Variants in PFKFB3 observed in about 807,000 individuals in gnomAD.
PFKFB3 encodes the protein 6-phosphofructo-2-kinase/fructose-2,6-bisphosphatase 3.
Under a neutral mutation model 68.0 loss-of-function variants are expected in PFKFB3, and 33 were observed. The observed-to-expected ratio is 0.49, with a 90% CI of 0.37 to 0.65. The LOEUF (loss-of-function observed/expected upper bound fraction) is 0.65, where lower values mean the gene tolerates loss of function less well. Among genes scored for constraint, PFKFB3 ranks in the 30% least tolerant of loss-of-function variants. The probability of loss-of-function intolerance (pLI) is 0.00; values close to 1 mark genes in which losing one functional copy is unlikely to be tolerated. For missense variants in PFKFB3, 586 were observed against 712.2 expected, an observed-to-expected ratio of 0.82 and a Z score of 2.02; for synonymous variants, 315 against 288.2, an observed-to-expected ratio of 1.09 and a Z score of -0.94.
At chr10:6,146,216 C>T in intron 1 of PFKFB3, 1 of 1,430,362 alleles carries the variant, frequency 7.0e-7, no homozygotes, top group Non-Finnish European at 9.2e-7. Flanking sequence ...CACCCATCTG[C>T]CTCTCTTCTC....
At chr10:6,195,274 G>A (rs1218578121) in intron 1 of PFKFB3, among the ~76,000 whole-genome samples, 1 of 152,184 alleles carries the variant, frequency 6.6e-6, no homozygotes, top group East Asian at 1.9e-4. Flanking sequence ...ATTAGTAGTG[G>A]CCATGTTTCC....
At chr10:6,262,898 G>T in the PFKFB3 span, among the ~76,000 whole-genome samples, 1 of 152,168 alleles carries the variant, frequency 6.6e-6, no homozygotes, top group East Asian at 1.9e-4. Flanking sequence ...TAGCCCAGAG[G>T]GGCTGTGATG....
In PFKFB3 at chr10:6,203,296, G is replaced by A. The variant is rs1171773361; in HGVS notation, c.36G>A (p.Lys12=). Residue 12 remains lysine (K), a synonymous_variant, in exon 1 of 15, where the codon AAG becomes AAA. Transcript: ENST00000379775. ...AACTGACGCAGAGCCGAGTGCAGAA[G>A]ATCTGGGTGCCCGTGGACCACAGGC... ...PLELTQSRVQ[K]IWVPVDHRPS... is the part of the protein sequence containing the mutation. 2 of 1,611,134 alleles carry A rather than the reference G, an allele frequency of 1.2e-6. No individual in the cohort carries two copies. The highest frequency in any genetic ancestry group is 1.7e-6 in the Non-Finnish European group (2 of 1,178,788).
At chr10:6,159,524 T>C (rs1308291490) in intron 1 of PFKFB3, among the ~76,000 whole-genome samples, 7 of 151,708 alleles carry the variant, frequency 4.6e-5, no homozygotes, top group Admixed American at 4.6e-4. Context: ...AACCCGTCTC[T>C]ACTAAAAATA....
the PFKFB3 span, among the ~76,000 whole-genome samples, chr10:6,325,898 T>C: frequency 6.6e-6 from 1 of 152,224 alleles, no homozygotes; most frequent in African/African-American, 2.4e-5. Flanking sequence ...TATAGTTCCT[T>C]CCTCATGCTC....
At chr10:6,302,784 A>G in the PFKFB3 span, among the ~76,000 whole-genome samples, 18,620 of 132,158 alleles carry the variant, frequency 0.14, 1,237 homozygotes, top group South Asian at 0.26. Flanking sequence ...ACACACATAT[A>G]CACATACACA....
chr10:6,207,031 G>A (rs1480036304), intron 1 of PFKFB3, among the ~76,000 whole-genome samples: 1 of 146,916 alleles, frequency 6.8e-6, no homozygotes, highest in South Asian at 2.1e-4. Context: ...CTTCCCAGAT[G>A]GGGTGGCGGC....
intron 1 of PFKFB3, among the ~76,000 whole-genome samples, chr10:6,177,490 C>CTTTCTTTCTTTCTTT (rs1564600059): frequency 1.0e-4 from 2 of 19,372 alleles, no homozygotes; most frequent in Non-Finnish European, 2.8e-4. Flanking sequence ...CTTTCTTTTT[C>CTTTCTTTCTTTCTTT]TTTTCTTTCT....
the PFKFB3 span, among the ~76,000 whole-genome samples, chr10:6,280,822 G>GT: frequency 4.0e-5 from 6 of 151,762 alleles, no homozygotes; most frequent in Non-Finnish European, 5.9e-5. Flanking sequence ...TGTTTCTGTA[G>GT]TTTTTTGGGG....
At chr10:6,236,537 G>GAGACTTGGCACCTC (rs1846016230), downstream of PFKFB3, among the ~76,000 whole-genome samples, 1 of 152,270 alleles carries the variant, frequency 6.6e-6, no homozygotes, top group Non-Finnish European at 1.5e-5. Flanking sequence ...ACAGGCGGCA[G>GAGACTTGGCACCTC]AGACTTGGCA....
the PFKFB3 span, among the ~76,000 whole-genome samples, chr10:6,308,114 T>C: frequency 2.6e-5 from 4 of 152,242 alleles, no homozygotes; most frequent in Non-Finnish European, 5.9e-5. Flanking sequence ...TATTCTGTTA[T>C]AGCAGTTTAA....
At chr10:6,240,718 A>G (rs1314080258) in intron 14 of PFKFB3, among the ~76,000 whole-genome samples, 1 of 152,154 alleles carries the variant, frequency 6.6e-6, no homozygotes, top group East Asian at 1.9e-4. Flanking sequence ...ACTAGTAACA[A>G]AACTACAGAC....
chr10:6,314,705 T>G, the PFKFB3 span, among the ~76,000 whole-genome samples: 1 of 152,192 alleles, frequency 6.6e-6, no homozygotes, highest in Non-Finnish European at 1.5e-5. Flanking sequence ...GCTGAACAGT[T>G]TCCTTAAGAT....
At position 6,217,123 on chromosome 10, in the gene PFKFB3, C is replaced by G. The variant is rs1259073790; in HGVS notation, c.442-12C>G. On this transcript the variant is annotated splice_polypyrimidine_tract_variant and intron_variant, in intron 5 of 14. Coordinates refer to ENST00000379775, the MANE Select transcript of PFKFB3 (RefSeq NM_004566.4). ...TGTTTGTTTTCTAACATCCCCACCT[C>G]ACTTCCACCAGGCGTTTTTCATCGA... 2 of 1,613,740 alleles carry G rather than the reference C, an allele frequency of 1.2e-6. No individual in the cohort carries two copies. Among genetic ancestry groups the G allele is most frequent in the African/African-American group, 2.7e-5 (2 of 74,930 alleles).
chr10:6,300,267 C>T, the PFKFB3 span, among the ~76,000 whole-genome samples: 1 of 152,072 alleles, frequency 6.6e-6, no homozygotes, highest in East Asian at 1.9e-4. Flanking sequence ...TGCCTTTGCC[C>T]ACAAGGCTGA....
chr10:6,228,784 C>T lies in PFKFB3; in HGVS notation c.1515+2419C>T, dbSNP rs1845533983. On this transcript the variant is annotated intron_variant, in intron 14 of 14. Coordinates refer to ENST00000379775, the MANE Select transcript of PFKFB3 (RefSeq NM_004566.4). The surrounding 1 kb of genome is among the most constrained non-coding windows in gnomAD (Gnocchi z 4.5). Reference sequence around the variant, plus strand: ...GCTCCGAGTGGAGACCCTTGGGGATCCGTTTGTCCTGGGTTGGAGCCTGCT... The same window carrying T: ...GCTCCGAGTGGAGACCCTTGGGGATTCGTTTGTCCTGGGTTGGAGCCTGCT... Among the ~76,000 whole-genome samples the T allele has an allele frequency of 1.3e-5, 2 of 152,222 alleles. No homozygotes were observed. Among genetic ancestry groups the T allele is most frequent in the African/African-American group, 4.8e-5 (2 of 41,454 alleles).
chr10:6,299,088 T>C, the PFKFB3 span, among the ~76,000 whole-genome samples: 1 of 152,178 alleles, frequency 6.6e-6, no homozygotes, highest in Admixed American at 6.5e-5. Context: ...TTAAATTCTG[T>C]TTTTCCTGGT....
At chr10:6,287,847 T>C in the PFKFB3 span, among the ~76,000 whole-genome samples, 1 of 152,230 alleles carries the variant, frequency 6.6e-6, no homozygotes, top group Non-Finnish European at 1.5e-5. Flanking sequence ...AGATTTTATT[T>C]ACCTTCATTC....
At chr10:6,246,038 A>G (rs1467211976) in intron 14 of PFKFB3, among the ~76,000 whole-genome samples, 2 of 152,082 alleles carry the variant, frequency 1.3e-5, no homozygotes, top group South Asian at 2.1e-4. Context: ...AAGACCCTCT[A>G]TGCAATCCCT....
Sources: allele counts gnomAD v4.1 joint callset (sites outside exome capture counted in the v4.1 genomes callset), GRCh38; gene constraint gnomAD v4.1.1; non-coding constraint Gnocchi (gnomAD v3.1); transcripts MANE v1.5; gene names NCBI Gene and HGNC (gene_info 2026-07-23, HGNC 2026-07-21).